Variants in DCDC2 observed in about 807,000 individuals in gnomAD.
The protein encoded by DCDC2 is doublecortin domain-containing protein 2.
Under a neutral mutation model 50.2 loss-of-function variants are expected in DCDC2, and 40 were observed. That is an observed-to-expected ratio of 0.80 (90% CI 0.62 to 1.04). DCDC2 has a LOEUF of 1.04. Among genes scored for constraint, DCDC2 ranks in the 50% least tolerant of loss-of-function variants. DCDC2 has a pLI of 0.00. For synonymous variants in DCDC2, 234 were observed against 210.6 expected, an observed-to-expected ratio of 1.11 and a Z score of -0.96; for missense variants, 570 against 581.9, an observed-to-expected ratio of 0.98 and a Z score of 0.21.
the DCDC2 span, among the ~76,000 whole-genome samples, chr6:24,379,145 T>C: frequency 3.3e-5 from 5 of 151,936 alleles, no homozygotes; most frequent in African/African-American, 1.2e-4. Flanking sequence ...GGCAAAGACT[T>C]CATGACTAAA....
chr6:24,295,955 C>T (rs1759224092), intron 4 of DCDC2, among the ~76,000 whole-genome samples: 1 of 152,162 alleles, frequency 6.6e-6, no homozygotes, highest in African/African-American at 2.4e-5. Context: ...TAACATTCTT[C>T]ACAGAACTAG....
intron 7 of DCDC2, among the ~76,000 whole-genome samples, chr6:24,233,794 A>C (rs927629491): frequency 6.6e-6 from 1 of 152,238 alleles, no homozygotes; most frequent in African/African-American, 2.4e-5. Context: ...GCATTTCAAC[A>C]TAATGGCTAG....
At chr6:24,177,336 T>G (rs1760945560) in intron 9 of DCDC2, among the ~76,000 whole-genome samples, 1 of 152,222 alleles carries the variant, frequency 6.6e-6, no homozygotes, top group Non-Finnish European at 1.5e-5. Flanking sequence ...CTTCGTACTG[T>G]TACTGAAACC....
At chr6:24,341,467 G>A (rs1760152497) in intron 2 of DCDC2, among the ~76,000 whole-genome samples, 1 of 151,580 alleles carries the variant, frequency 6.6e-6, no homozygotes, top group African/African-American at 2.4e-5. Flanking sequence ...CATACTGCCT[G>A]CATATTTCCT....
chr6:24,333,004 T>C (rs929265526), intron 2 of DCDC2, among the ~76,000 whole-genome samples: 1 of 152,132 alleles, frequency 6.6e-6, no homozygotes, highest in African/African-American at 2.4e-5. Flanking sequence ...ATATCAATAA[T>C]GGGGAACTGA....
chr6:24,238,385 G>A (rs1251796341), intron 7 of DCDC2, among the ~76,000 whole-genome samples: 2 of 150,896 alleles, frequency 1.3e-5, no homozygotes, highest in South Asian at 2.1e-4. Context: ...TGCAACCTCC[G>A]CCTCCCGGGT....
chr6:24,378,211 A>G, the DCDC2 span, among the ~76,000 whole-genome samples: 1 of 152,202 alleles, frequency 6.6e-6, no homozygotes, highest in South Asian at 2.1e-4. Flanking sequence ...ACTACCTGAA[A>G]TAGGCACTGT....
chr6:24,296,532 T>A (rs535439395), intron 4 of DCDC2, among the ~76,000 whole-genome samples: 7 of 152,042 alleles, frequency 4.6e-5, no homozygotes, highest in Admixed American at 2.0e-4. Flanking sequence ...AGTAAACAGA[T>A]AAACTACAGA....
chr6:24,348,370 A>C (rs1760306111), intron 2 of DCDC2, among the ~76,000 whole-genome samples: 1 of 152,222 alleles, frequency 6.6e-6, no homozygotes, highest in South Asian at 2.1e-4. Flanking sequence ...TGGGAATAGC[A>C]AAGCAAGTCT....
intron 2 of DCDC2, among the ~76,000 whole-genome samples, chr6:24,310,979 C>A (rs1189213975): frequency 6.6e-6 from 1 of 152,178 alleles, no homozygotes. Flanking sequence ...CTGCACCTAG[C>A]ATGGTCTAAC....
At position 24,212,204 on chromosome 6, in the gene DCDC2, G is replaced by A. The variant is rs370850908; in HGVS notation, c.923-7102C>T. On this transcript the variant is annotated intron_variant, in intron 7 of 9. Transcript: ENST00000378454. ...CAGTTTCATCCTGGAACCATCCCCC[G>A]ACGCCCCTGAATAAACTGCCTTCCA... 9.1e-4 allele frequency among the ~76,000 whole-genome samples: 139 copies of A among 152,134 alleles called. No individual in the cohort carries two copies. The South Asian group carries it at 0.026, about 29-fold the overall frequency.
chr6:24,282,255 GT>G (rs77118658), intron 6 of DCDC2, among the ~76,000 whole-genome samples: 2 of 149,538 alleles, frequency 1.3e-5, no homozygotes, highest in South Asian at 4.2e-4. Flanking sequence ...TTTTTGTTTT[GT>G]TTTTTTTTGA....
At chr6:24,317,445 T>C (rs1759692531) in intron 2 of DCDC2, among the ~76,000 whole-genome samples, 1 of 152,022 alleles carries the variant, frequency 6.6e-6, no homozygotes, top group Non-Finnish European at 1.5e-5. Context: ...TAGGCATCTC[T>C]GGAAAAAGAG....
At chr6:24,322,784 T>C (rs894961273) in intron 2 of DCDC2, among the ~76,000 whole-genome samples, 3 of 152,190 alleles carry the variant, frequency 2.0e-5, no homozygotes, top group African/African-American at 7.2e-5. Flanking sequence ...ACCAAACAAA[T>C]GTATTTCTTT....
rs981006454 is a variant in DCDC2 at position 24,208,315 on chromosome 6, C to T, written c.923-3213G>A. On this transcript the variant is annotated intron_variant, in intron 7 of 9. Coordinates refer to ENST00000378454, the MANE Select transcript of DCDC2 (RefSeq NM_016356.5). ...CATGAAAATCTCCTCTGATCTTATC[C>T]TGTAACCCCACAACAAAACAGAACC... Among the ~76,000 whole-genome samples the T allele has an allele frequency of 2.6e-5, 4 of 151,276 alleles. No homozygotes were observed. The Middle Eastern group carries it at 0.01, about 397-fold the overall frequency.
intron 5 of DCDC2, among the ~76,000 whole-genome samples, chr6:24,289,495 T>TA (rs913728729): frequency 1.3e-5 from 2 of 152,210 alleles, no homozygotes; most frequent in Non-Finnish European, 2.9e-5. Flanking sequence ...GACACATATA[T>TA]AAAAAAAATT....
upstream of DCDC2, among the ~76,000 whole-genome samples, chr6:24,359,522 T>TTTATATA (rs1760620250): frequency 9.5e-6 from 1 of 105,042 alleles, no homozygotes; most frequent in African/African-American, 3.8e-5. Flanking sequence ...TTATATATAT[T>TTTATATA]TTATATATAT....
intron 7 of DCDC2, among the ~76,000 whole-genome samples, chr6:24,222,315 G>A (rs1230605800): frequency 6.6e-6 from 1 of 152,168 alleles, no homozygotes; most frequent in African/African-American, 2.4e-5. Flanking sequence ...CTTAATGAAA[G>A]AACAGTCAAG....
intron 2 of DCDC2, among the ~76,000 whole-genome samples, chr6:24,323,659 A>ATC (rs1380517723): frequency 6.6e-6 from 1 of 152,198 alleles, no homozygotes; most frequent in African/African-American, 2.4e-5. Flanking sequence ...CCCTGTCTTC[A>ATC]TCTCTCTCCC....
Sources: gnomAD v4.1 joint callset for allele counts (sites outside exome capture counted in the v4.1 genomes callset) on GRCh38, gnomAD v4.1.1 for gene constraint, MANE v1.5 for transcripts, NCBI Gene and HGNC (gene_info 2026-07-23, HGNC 2026-07-21) for gene names.